Variants in CPNE4 observed in about 807,000 individuals in gnomAD.
CPNE4 encodes the protein copine-4.
A neutral mutation model predicts 67.9 loss-of-function variants in CPNE4; 25 were observed. That is an observed-to-expected ratio of 0.37 (90% CI 0.27 to 0.51). The LOEUF (loss-of-function observed/expected upper bound fraction) is 0.51, where lower values mean the gene tolerates loss of function less well. Ranked by LOEUF, CPNE4 falls within the 20% of genes least tolerant of loss-of-function variation. CPNE4 has a pLI of 0.93. For missense variants in CPNE4, 464 were observed against 690.8 expected (o/e 0.67, Z 3.68); for synonymous variants, 242 against 244.9 (o/e 0.99, Z 0.11).
At chr3:131,736,294 G>A (rs1423786113) in intron 2 of CPNE4, among the ~76,000 whole-genome samples, 1 of 152,134 alleles carries the variant, frequency 6.6e-6, no homozygotes, top group African/African-American at 2.4e-5. Context: ...TGAAACCAAA[G>A]AGTTTGCAAC....
At chr3:131,683,921 C>A (rs915216015) in intron 6 of CPNE4, among the ~76,000 whole-genome samples, 1 of 152,090 alleles carries the variant, frequency 6.6e-6, no homozygotes, top group African/African-American at 2.4e-5. Flanking sequence ...GTATTGCTTT[C>A]TGCTGTGATG....
intron 1 of CPNE4, among the ~76,000 whole-genome samples, chr3:131,907,795 T>TCCC (rs1206775875): frequency 1.3e-5 from 2 of 152,122 alleles, no homozygotes; most frequent in Non-Finnish European, 2.9e-5. Flanking sequence ...CAACCTCAGT[T>TCCC]CCCTTAGGTA....
chr3:131,955,560 T>G lies in CPNE4; in HGVS notation c.-1-50116A>C, dbSNP rs1560674912. Among the ~76,000 whole-genome samples the G allele has an allele frequency of 7.2e-5, 11 of 151,986 alleles. No individual in the cohort carries two copies. In the South Asian group the frequency reaches 2.3e-3, roughly 32 times the overall value. On this transcript the variant is annotated intron_variant, in intron 1 of 15. Coordinates refer to ENST00000429747, the MANE Select transcript of CPNE4 (RefSeq NM_130808.3). Reference sequence around the variant, plus strand: ...AAACAGGGCTTGGGAAATGGCTTCTTGAGTAGCTACCAAGTTGCCAAATGT... The same window carrying G: ...AAACAGGGCTTGGGAAATGGCTTCTGGAGTAGCTACCAAGTTGCCAAATGT...
At chr3:131,583,583 A>G (rs899505528) in intron 8 of CPNE4, among the ~76,000 whole-genome samples, 1 of 152,210 alleles carries the variant, frequency 6.6e-6, no homozygotes, top group African/African-American at 2.4e-5. Flanking sequence ...GTGATCATCC[A>G]TGAAAAGTCT....
At chr3:131,750,492 G>T (rs1583136983) in intron 2 of CPNE4, among the ~76,000 whole-genome samples, 1 of 151,852 alleles carries the variant, frequency 6.6e-6, no homozygotes, top group South Asian at 2.1e-4. Flanking sequence ...GGTTGCTCTA[G>T]GTATTACATT....
intron 1 of CPNE4, among the ~76,000 whole-genome samples, chr3:132,003,572 A>G (rs1919999): frequency 0.78 from 118,506 of 151,736 alleles, 47,261 homozygotes; most frequent in South Asian, 0.89. Context: ...CATCTTCACC[A>G]CCTGCTTCTG....
At chr3:131,658,655 C>G (rs1431659171) in intron 7 of CPNE4, among the ~76,000 whole-genome samples, 1 of 152,156 alleles carries the variant, frequency 6.6e-6, no homozygotes, top group Non-Finnish European at 1.5e-5. Context: ...GGCACCATAT[C>G]TTTGAGGAGA....
intron 1 of CPNE4, among the ~76,000 whole-genome samples, chr3:131,997,674 G>C (rs532850980): frequency 3.3e-5 from 5 of 152,130 alleles, no homozygotes; most frequent in African/African-American, 9.6e-5. Context: ...CTTTTATTAG[G>C]TGCAATATGG....
At chr3:131,715,801 G>C (rs941009981) in intron 3 of CPNE4, among the ~76,000 whole-genome samples, 3 of 152,220 alleles carry the variant, frequency 2.0e-5, no homozygotes, top group African/African-American at 7.2e-5. Context: ...TCACATTAAA[G>C]AAGGTCAGCT....
At chr3:131,682,802 C>G (rs910974599) in intron 6 of CPNE4, among the ~76,000 whole-genome samples, 8 of 152,042 alleles carry the variant, frequency 5.3e-5, no homozygotes, top group Admixed American at 5.2e-4. Context: ...CCTTAGGACT[C>G]TACCTCATGC....
chr3:132,004,915 A>G (rs987611741), intron 1 of CPNE4, among the ~76,000 whole-genome samples: 23 of 152,084 alleles, frequency 1.5e-4, no homozygotes, highest in African/African-American at 5.6e-4. Context: ...GACCAACACC[A>G]CTAGAATAGA....
At chr3:131,703,864 CTTTAA>C (rs1184788009) in intron 3 of CPNE4, among the ~76,000 whole-genome samples, 1 of 152,118 alleles carries the variant, frequency 6.6e-6, no homozygotes, top group Non-Finnish European at 1.5e-5. Context: ...TCTCAGCTAG[CTTTAA>C]TTTGATAGCC....
At chr3:131,566,079 T>C (rs1937042839) in intron 10 of CPNE4, among the ~76,000 whole-genome samples, 1 of 151,902 alleles carries the variant, frequency 6.6e-6, no homozygotes. Context: ...CCTTTTTCCA[T>C]TACGCCATCA....
At chr3:131,890,226 T>A (rs2088056376) in intron 2 of CPNE4, among the ~76,000 whole-genome samples, 1 of 151,854 alleles carries the variant, frequency 6.6e-6, no homozygotes, top group Non-Finnish European at 1.5e-5. Context: ...AATAAACTCA[T>A]AAAACACAAT....
intron 7 of CPNE4, among the ~76,000 whole-genome samples, chr3:131,642,023 C>T (rs556252534): frequency 6.6e-6 from 1 of 151,912 alleles, no homozygotes; most frequent in East Asian, 1.9e-4. Flanking sequence ...TGAGGGGTGG[C>T]GAGGAATAAA....
intron 1 of CPNE4, among the ~76,000 whole-genome samples, chr3:132,033,729 A>G (rs913141608): frequency 3.9e-5 from 6 of 152,178 alleles, no homozygotes; most frequent in Admixed American, 2.0e-4. Context: ...AAGGAGGAGC[A>G]TTTTTCATCA....
At chr3:131,711,356 C>T (rs895784570) in intron 3 of CPNE4, among the ~76,000 whole-genome samples, 1 of 152,092 alleles carries the variant, frequency 6.6e-6, no homozygotes, top group Non-Finnish European at 1.5e-5. Context: ...TGACTGGTGC[C>T]CTGTCAGCAC....
chr3:131,538,435 GGT>G (rs1359891051), intron 15 of CPNE4, among the ~76,000 whole-genome samples: 7 of 152,154 alleles, frequency 4.6e-5, no homozygotes, highest in Admixed American at 4.6e-4. Flanking sequence ...ACATGTATTG[GGT>G]GGGAAAGGGT....
intron 2 of CPNE4, among the ~76,000 whole-genome samples, chr3:131,859,594 T>C (rs867230462): frequency 6.6e-6 from 1 of 152,106 alleles, no homozygotes; most frequent in Non-Finnish European, 1.5e-5. Flanking sequence ...AAAAGTAGAA[T>C]CTCTGGGGGT....
Sources: gnomAD v4.1 joint callset for allele counts (sites outside exome capture counted in the v4.1 genomes callset) on GRCh38, gnomAD v4.1.1 for gene constraint, MANE v1.5 for transcripts, NCBI Gene and HGNC (gene_info 2026-07-23, HGNC 2026-07-21) for gene names.